HDAC9: variants seen among roughly 807,000 people sequenced by gnomAD.
HDAC9 encodes histone deacetylase 9, also known as MEF-2 interacting transcription repressor (MITR) protein.
A neutral mutation model predicts 139.4 loss-of-function variants in HDAC9; 41 were observed. The observed-to-expected ratio is 0.29, with a 90% CI of 0.23 to 0.38. The LOEUF (loss-of-function observed/expected upper bound fraction) is 0.38. HDAC9 is among the 10% of genes least tolerant of loss of function. The pLI is 1.00. For synonymous variants in HDAC9, 517 were observed against 476.2 expected, an observed-to-expected ratio of 1.09 and a Z score of -1.12; for missense variants, 1,147 against 1,297.0, an observed-to-expected ratio of 0.88 and a Z score of 1.78.
At chr7:18,803,270 A>G (rs987617541) in intron 17 of HDAC9, among the ~76,000 whole-genome samples, 6 of 152,106 alleles carry the variant, frequency 3.9e-5, no homozygotes, top group African/African-American at 1.4e-4. Context: ...TTAAAGCAAT[A>G]GTCATGTCCT....
Position 18,435,821 on chromosome 7 carries a change from C to A in HDAC9, c.-41-60441C>A, listed in dbSNP as rs533574784. On this transcript the variant is annotated intron_variant, in intron 1 of 3. Coordinates refer to the HDAC9 transcript ENST00000413509. Reference sequence around the variant, plus strand: ...TTTAGAATGGAATAGAAACATATGTCTAGACATGGAAAGATGTCCAAGACA... The same window carrying A: ...TTTAGAATGGAATAGAAACATATGTATAGACATGGAAAGATGTCCAAGACA... 2.7e-5 allele frequency among the ~76,000 whole-genome samples: 4 copies of A among 150,402 alleles called. No homozygotes were observed. The East Asian group carries it at 7.8e-4, about 29-fold the overall frequency.
intron 2 of HDAC9, among the ~76,000 whole-genome samples, chr7:18,201,403 G>A (rs1231927309): frequency 2.6e-5 from 4 of 152,298 alleles, no homozygotes; most frequent in African/African-American, 9.6e-5. Context: ...ATTATAAACA[G>A]TGTTAAATTT....
At chr7:18,650,344 A>G (rs1262297953) in intron 11 of HDAC9, among the ~76,000 whole-genome samples, 1 of 152,174 alleles carries the variant, frequency 6.6e-6, no homozygotes, top group African/African-American at 2.4e-5. Flanking sequence ...CTTTTCTGCT[A>G]TGCTTGGTTC....
intron 21 of HDAC9, among the ~76,000 whole-genome samples, chr7:18,858,936 C>G (rs574205620): frequency 2.2e-4 from 33 of 152,130 alleles, no homozygotes; most frequent in Non-Finnish European, 3.1e-4. Context: ...CCTTCATTGC[C>G]TCATTGAATC....
intron 22 of HDAC9, among the ~76,000 whole-genome samples, chr7:18,894,412 G>C (rs546377864): frequency 5.3e-5 from 8 of 152,038 alleles, no homozygotes; most frequent in Admixed American, 1.3e-4. Context: ...CCCAATGGAG[G>C]CAAGCCGTTC....
At chr7:18,538,336 G>C (rs1053434361) in intron 2 of HDAC9, among the ~76,000 whole-genome samples, 4 of 152,168 alleles carry the variant, frequency 2.6e-5, no homozygotes, top group African/African-American at 7.2e-5. Context: ...TACTAGTTAA[G>C]TATGGTGGTA....
At chr7:18,625,946 CAAAAAAAAAAAAAA>C (rs11312304) in intron 6 of HDAC9, among the ~76,000 whole-genome samples, 34 of 60,948 alleles carry the variant, frequency 5.6e-4, no homozygotes, top group African/African-American at 2.9e-3. Context: ...GACTCCATCT[CAAAAAAAAAAAAAA>C]AAAAAAAAAA....
At chr7:18,988,442 T>C (rs976147173) in intron 25 of HDAC9, among the ~76,000 whole-genome samples, 14 of 151,866 alleles carry the variant, frequency 9.2e-5, no homozygotes, top group East Asian at 3.9e-4. Flanking sequence ...TTGTTATAAT[T>C]TCTGTTCTTT....
At chr7:18,772,236 G>A (rs1053261618) in intron 16 of HDAC9, among the ~76,000 whole-genome samples, 4 of 152,092 alleles carry the variant, frequency 2.6e-5, no homozygotes, top group Admixed American at 1.3e-4. Flanking sequence ...ATGGGAGGCA[G>A]CCAGGCATTG....
At chr7:18,899,281 A>G (rs1020091237) in intron 22 of HDAC9, 47 of 152,000 alleles carry the variant, frequency 3.1e-4, no homozygotes, top group African/African-American at 1.1e-3. Flanking sequence ...TGTGGTAACT[A>G]GTAATTAGTA....
intron 11 of HDAC9, 112 bp downstream of exon 11, chr7:18,648,795 A>T: frequency 1.1e-6 from 1 of 883,678 alleles, no homozygotes; most frequent in Non-Finnish European, 1.8e-6. Context: ...AGCAAAAAGG[A>T]TGTGATCATC....
At chr7:18,470,548 G>T (rs1794644615) in intron 1 of HDAC9, among the ~76,000 whole-genome samples, 1 of 152,056 alleles carries the variant, frequency 6.6e-6, no homozygotes, top group Admixed American at 6.6e-5. Context: ...ATCTCTTAAG[G>T]CAGGAGTTGG....
intron 16 of HDAC9, among the ~76,000 whole-genome samples, chr7:18,779,001 A>G (rs1170226688): frequency 6.6e-6 from 1 of 152,024 alleles, no homozygotes; most frequent in African/African-American, 2.4e-5. Flanking sequence ...CCTTCTTTCC[A>G]TATGGAATAT....
intron 22 of HDAC9, among the ~76,000 whole-genome samples, chr7:18,893,832 G>A (rs1382791386): frequency 1.3e-5 from 2 of 152,152 alleles, no homozygotes; most frequent in African/African-American, 2.4e-5. Flanking sequence ...AATGATGTTT[G>A]CCTGAAGAGC....
intron 2 of HDAC9, among the ~76,000 whole-genome samples, chr7:18,529,630 T>G (rs1808188464): frequency 6.6e-6 from 1 of 152,252 alleles, no homozygotes; most frequent in South Asian, 2.1e-4. Flanking sequence ...CGTGTATTTA[T>G]GGTTATATAC....
At position 18,584,660 on chromosome 7, in the gene HDAC9, C is replaced by G. The variant is rs73062361; in HGVS notation, c.23-621C>G. On this transcript the variant is annotated intron_variant, in intron 2 of 25. Transcript: ENST00000686413. ...ATACAGATTATTACCAATTCAACATCAGGACTTAGAAACTTGGCTACTTTC... is the reference window on the plus strand; with the variant it reads ...ATACAGATTATTACCAATTCAACATGAGGACTTAGAAACTTGGCTACTTTC... Among the ~76,000 whole-genome samples, 157 of 152,250 alleles carry G rather than the reference C, an allele frequency of 1.0e-3. 2 individuals are homozygous for G. The highest frequency in any genetic ancestry group is 6.8e-3 in the Middle Eastern group (2 of 294).
At chr7:18,342,165 G>A (rs1782065539) in intron 1 of HDAC9, among the ~76,000 whole-genome samples, 1 of 151,782 alleles carries the variant, frequency 6.6e-6, no homozygotes, top group South Asian at 2.1e-4. Flanking sequence ...CTTCTGTATA[G>A]GCCTGGAATT....
intron 22 of HDAC9, among the ~76,000 whole-genome samples, chr7:18,924,590 C>G (rs1035888715): frequency 3.3e-5 from 5 of 152,156 alleles, no homozygotes; most frequent in African/African-American, 1.2e-4. Context: ...CCCCATTTTC[C>G]TTAGAAGGCA....
intron 1 of HDAC9, among the ~76,000 whole-genome samples, chr7:18,093,941 C>T (rs973275675): frequency 2.6e-5 from 4 of 152,142 alleles, no homozygotes; most frequent in Non-Finnish European, 4.4e-5. Context: ...CCTTGCTGCT[C>T]CACTGTACCC....
Sources: allele counts gnomAD v4.1 joint callset (sites outside exome capture counted in the v4.1 genomes callset), GRCh38; gene constraint gnomAD v4.1.1; transcripts MANE v1.5; gene names NCBI Gene and HGNC (gene_info 2026-07-23, HGNC 2026-07-21).